Variants in SYNE2 observed in about 807,000 individuals in gnomAD.
SYNE2 encodes the protein nesprin-2.
Under a neutral mutation model 856.3 loss-of-function variants are expected in SYNE2, and 431 were observed. That is an observed-to-expected ratio of 0.50 (90% confidence interval 0.47 to 0.55). The LOEUF (loss-of-function observed/expected upper bound fraction) is 0.55, where lower values mean the gene tolerates loss of function less well. Ranked by LOEUF, SYNE2 falls within the 20% of genes least tolerant of loss-of-function variation. SYNE2 has a pLI of 0.00. For synonymous variants in SYNE2, 2,923 were observed against 2,872.3 expected (o/e 1.02, Z -0.56); for missense variants, 8,129 against 8,023.2 (o/e 1.01, Z -0.50).
chr14:64,021,999 T>C lies in SYNE2; in HGVS notation c.5495T>C (p.Leu1832Ser). ...SDLFNTKKSVLQDHFSKLLND... is the reference protein window; with the variant it reads ...SDLFNTKKSVSQDHFSKLLND... ...TTATTTAATACCAAAAAAAGTGTTT[T>C]GCAAGATCACTTTTCTAAGTTATTG... The change falls in exon 37 of 116, where the codon TTG (leucine) becomes TCG (serine). Residue 1832 changes from leucine (L) to serine (S), a missense_variant. By Grantham distance (145) the Leu-to-Ser change is moderately radical (BLOSUM62 -2). Around this residue, in one of 3 missense-constraint regions of SYNE2, gnomAD observed 2,422 missense variants for 2,357.4 expected, o/e 1.03. Transcript: ENST00000555002. The C allele has an allele frequency of 6.2e-7, 1 of 1,613,842 alleles. No homozygotes were observed. Among genetic ancestry groups the C allele is most frequent in the Non-Finnish European group, 8.5e-7 (1 of 1,179,876 alleles).
intron 1 of SYNE2, among the ~76,000 whole-genome samples, chr14:63,889,627 C>T (rs2095080849): frequency 6.6e-6 from 1 of 151,842 alleles, no homozygotes; most frequent in South Asian, 2.1e-4. Flanking sequence ...CAGATGCAGG[C>T]CATGACACCA....
At chr14:64,014,958 T>C (rs1594872140) in intron 32 of SYNE2, among the ~76,000 whole-genome samples, 1 of 114,022 alleles carries the variant, frequency 8.8e-6, no homozygotes, top group Non-Finnish European at 1.6e-5. Flanking sequence ...TATATATATA[T>C]ATATATATAT....
chr14:64,136,424 G>A (rs568283210), intron 78 of SYNE2, among the ~76,000 whole-genome samples: 8 of 151,282 alleles, frequency 5.3e-5, no homozygotes, highest in Non-Finnish European at 1.2e-4. Flanking sequence ...GCTCAGACAC[G>A]GGGGGGAGGG....
At chr14:63,877,113 A>G (rs2094742520) in intron 1 of SYNE2, among the ~76,000 whole-genome samples, 1 of 152,226 alleles carries the variant, frequency 6.6e-6, no homozygotes, top group African/African-American at 2.4e-5. Flanking sequence ...TCAGTCATCA[A>G]AAATGGCACA....
intron 10 of SYNE2, among the ~76,000 whole-genome samples, chr14:63,967,022 CG>C (rs1364084613): frequency 1.3e-5 from 2 of 152,040 alleles, no homozygotes; most frequent in Non-Finnish European, 2.9e-5. Flanking sequence ...GGTGCCACCA[CG>C]CCCAGCTAAT....
chr14:64,031,616 C>T (rs1192873032), intron 45 of SYNE2, among the ~76,000 whole-genome samples: 3 of 152,024 alleles, frequency 2.0e-5, no homozygotes, highest in South Asian at 2.1e-4. Context: ...AATCAGATAC[C>T]GTTTCTTGGG....
intron 1 of SYNE2, among the ~76,000 whole-genome samples, chr14:63,877,875 C>CTT (rs35343922): frequency 0.03 from 4,366 of 147,908 alleles, 197 homozygotes; most frequent in African/African-American, 0.099. Context: ...ATTAGCTACA[C>CTT]TTTTTTTTTT....
chr14:63,980,650 C>G lies in SYNE2; in HGVS notation c.1570-4C>G, dbSNP rs564220213. 10 of 1,578,800 alleles carry G rather than the reference C, an allele frequency of 6.3e-6. No individual in the cohort carries two copies. The highest frequency in any genetic ancestry group is 8.7e-6 in the Non-Finnish European group (10 of 1,149,196). ...TGTCAATATGTTTTTTGTTTTCTTC[C>G]CAGAAATTTATTGAAGAAAAAGAAT... On this transcript the variant is annotated splice_region_variant and splice_polypyrimidine_tract_variant and intron_variant, in intron 14 of 115. Coordinates refer to ENST00000555002, the MANE Select transcript of SYNE2 (RefSeq NM_182914.3).
chr14:63,989,246 T>C (rs571535203), intron 19 of SYNE2, among the ~76,000 whole-genome samples: 1 of 152,262 alleles, frequency 6.6e-6, no homozygotes, highest in African/African-American at 2.4e-5. Context: ...TTATTTTGCA[T>C]TGCAGGTTTT....
intron 66 of SYNE2, among the ~76,000 whole-genome samples, chr14:64,115,554 G>T (rs540148501): frequency 1.3e-5 from 2 of 152,234 alleles, no homozygotes; most frequent in South Asian, 4.2e-4. Flanking sequence ...CAGATGTTGG[G>T]TGCAGTTTTC....
At chr14:64,154,917 C>G (rs1363415729) in intron 85 of SYNE2, among the ~76,000 whole-genome samples, 1 of 151,722 alleles carries the variant, frequency 6.6e-6, no homozygotes, top group African/African-American at 2.4e-5. Flanking sequence ...AAATGAAAAT[C>G]AACACCACAA....
chr14:63,978,785 C>A, intron 13 of SYNE2, 67 bp from the exon 14 acceptor site: 2 of 1,364,140 alleles, frequency 1.5e-6, no homozygotes, highest in Non-Finnish European at 2.1e-6. Flanking sequence ...TTTTAAAATG[C>A]TGAACAGATT....
rs547604251 is a variant in SYNE2, at chr14:63,857,320, A to G, written c.-52+4177A>G. Among the ~76,000 whole-genome samples the G allele has an allele frequency of 2.6e-5, 4 of 152,126 alleles. No homozygotes were observed. The South Asian group carries it at 8.3e-4, about 32-fold the overall frequency. ...TTGTATCAATAGCTGATTTCTTTTTATTGTTAAGTAATACTCCATTGTACT... is the reference window on the plus strand; with the variant it reads ...TTGTATCAATAGCTGATTTCTTTTTGTTGTTAAGTAATACTCCATTGTACT... On this transcript the variant is annotated intron_variant, in intron 1 of 115. Coordinates refer to ENST00000555002, the MANE Select transcript of SYNE2 (RefSeq NM_182914.3).
chr14:63,884,480 A>C (rs2094936643), intron 1 of SYNE2, among the ~76,000 whole-genome samples: 1 of 152,132 alleles, frequency 6.6e-6, no homozygotes, highest in Non-Finnish European at 1.5e-5. Context: ...CTTAGGTTGC[A>C]GTAAGGTGTC....
At chr14:63,906,596 A>G (rs538013360) in intron 1 of SYNE2, among the ~76,000 whole-genome samples, 1 of 152,234 alleles carries the variant, frequency 6.6e-6, no homozygotes, top group African/African-American at 2.4e-5. Flanking sequence ...AGTTGTGTGC[A>G]TAGAGTTGTT....
chr14:64,096,498 G>A (rs750173726), intron 61 of SYNE2, among the ~76,000 whole-genome samples: 1 of 152,220 alleles, frequency 6.6e-6, no homozygotes, highest in Non-Finnish European at 1.5e-5. Context: ...TACTCTGTTT[G>A]TGTTATCCTA....
At chr14:64,126,510 G>A (rs779202335) in intron 72 of SYNE2, 31 bp downstream of exon 72, 121 of 1,613,982 alleles carry the variant, frequency 7.5e-5, no homozygotes, top group Non-Finnish European at 1.0e-4. Flanking sequence ...CCATGTGTTG[G>A]CCATTACAGC....
chr14:63,888,156 A>G (rs2095041242), intron 1 of SYNE2, among the ~76,000 whole-genome samples: 1 of 152,188 alleles, frequency 6.6e-6, no homozygotes, highest in African/African-American at 2.4e-5. Context: ...CTAGGGACCA[A>G]GTATGTTCAG....
rs773467496 is a variant in SYNE2 at position 64,225,741 on chromosome 14, C to T, written c.*215C>T. The T allele has an allele frequency of 9.7e-6, 6 of 617,262 alleles. No homozygotes were observed. Among genetic ancestry groups the T allele is most frequent in the East Asian group, 5.5e-5 (2 of 36,298 alleles). 38.2% of individuals were successfully genotyped at this position (617,262 alleles called of 1,614,324 possible). A position where few individuals can be genotyped will look rare whatever the true frequency, so the allele number is the denominator to read the frequency against. Reference sequence around the variant, plus strand: ...CAGGGAACCTGTGTGGCAGGTGCCCCGGGTATTTTGGCAGAACTAGTTGAT... The same window carrying T: ...CAGGGAACCTGTGTGGCAGGTGCCCTGGGTATTTTGGCAGAACTAGTTGAT... On this transcript the variant is annotated 3_prime_UTR_variant, in exon 116 of 116. Coordinates refer to ENST00000555002, the MANE Select transcript of SYNE2 (RefSeq NM_182914.3).
Sources: allele counts gnomAD v4.1 joint callset (sites outside exome capture counted in the v4.1 genomes callset), GRCh38; gene constraint gnomAD v4.1.1; regional missense constraint gnomAD v4.1.1; transcripts MANE v1.5; gene names NCBI Gene and HGNC (gene_info 2026-07-23, HGNC 2026-07-21).